ZNF541: variants seen among roughly 807,000 people sequenced by gnomAD.
ZNF541 encodes zinc finger protein 541.
A neutral mutation model predicts 123.5 loss-of-function variants in ZNF541; 23 were observed. The observed-to-expected ratio is 0.19, with a 90% CI of 0.13 to 0.26. The LOEUF (loss-of-function observed/expected upper bound fraction) is 0.26. ZNF541 is among the 10% of genes least tolerant of loss of function. The pLI, the probability that ZNF541 is intolerant of heterozygous loss-of-function variation, is 1.00. For missense variants in ZNF541, 1,612 were observed against 1,789.9 expected, an observed-to-expected ratio of 0.90 and a Z score of 1.79; for synonymous variants, 751 against 754.5, an observed-to-expected ratio of 1.00 and a Z score of 0.08.
rs1174614673 is a variant in ZNF541, at chr19:47,529,602, G to T, written c.3456C>A (p.His1152Gln). Residue 1152 changes from histidine to glutamine, a missense_variant, in exon 13 of 17, where the codon CAC (histidine) becomes CAA (glutamine). Physicochemically the swap from His to Gln is conservative, Grantham distance 24 (BLOSUM62 0). This residue lies in a region of ZNF541 where 285 missense variants were observed against 407.3 expected (regional missense o/e 0.70). Coordinates refer to ENST00000391901, the MANE Select transcript of ZNF541 (RefSeq NM_001277075.3). ...CTGTGTAGCGATAGTCAGCGAGCAG[G>T]TGTGTCCGTGGCTTGTGGGGCCCTC... is the stretch of plus-strand genomic sequence containing the variant. Reference protein sequence around the residue: ...LLRGPHKPRTHLLADYRYTGS... With the variant: ...LLRGPHKPRTQLLADYRYTGS... 1 of 1,551,560 alleles carries T rather than the reference G, an allele frequency of 6.4e-7. No individual in the cohort carries two copies. Among genetic ancestry groups the T allele is most frequent in the East Asian group, 2.4e-5 (1 of 40,922 alleles).
At chr19:47,571,136 G>A (rs1214721846) in intron 2 of ZNF541, among the ~76,000 whole-genome samples, 8 of 148,848 alleles carry the variant, frequency 5.4e-5, no homozygotes, top group Admixed American at 2.7e-4. Context: ...TTTTTGAGAC[G>A]GAGTCTCGCT....
intron 2 of ZNF541, among the ~76,000 whole-genome samples, chr19:47,565,969 G>C (rs912294529): frequency 1.3e-5 from 2 of 152,124 alleles, no homozygotes; most frequent in Non-Finnish European, 2.9e-5. Context: ...TTGAGGTCAG[G>C]AGTTCGAGAC....
chr19:47,544,676 G>A lies in ZNF541; in HGVS notation c.1853C>T (p.Pro618Leu). 1 of 1,531,562 alleles carries A rather than the reference G, an allele frequency of 6.5e-7. No individual in the cohort carries two copies. 94.9% of individuals were successfully genotyped at this position (1,531,562 alleles called of 1,614,324 possible). A position where few individuals can be genotyped will look rare whatever the true frequency, so the allele number is the denominator to read the frequency against. The change falls in exon 5 of 17, where the codon CCC (proline) becomes CTC (leucine). Residue 618 changes from proline to leucine, a missense_variant. Pro to Leu is a moderately conservative substitution (Grantham distance 98, BLOSUM62 -3). Coordinates refer to ENST00000391901, the MANE Select transcript of ZNF541 (RefSeq NM_001277075.3). ...VDSLHAGPGN[P>L]EAEGSPARRR... ...GCGGGCTGGGGAGCCCTCTGCCTCG[G>A]GGTTTCCAGGGCCGGCGTGGAGAGA...
rs1463594713 is a variant in ZNF541, at chr19:47,555,727, A to G, written c.130T>C (p.Phe44Leu). The G allele has an allele frequency of 1.3e-6, 2 of 1,551,576 alleles. No individual in the cohort carries two copies. The highest frequency in any genetic ancestry group is 1.7e-6 in the Non-Finnish European group (2 of 1,147,018). The change falls in exon 3 of 17, where the codon TTT becomes CTT. Residue 44 changes from phenylalanine to leucine, a missense_variant. Around this residue, in one of 5 missense-constraint regions of ZNF541, gnomAD observed 212 missense variants for 289.6 expected, o/e 0.73. Coordinates refer to ENST00000391901, the MANE Select transcript of ZNF541 (RefSeq NM_001277075.3). ...AGACCACTCAGGCCAGCATAAAGAA[A>G]GCCTCGCGTGTTGGGACCCAAATCC... Reference protein sequence around the residue: ...NRDLGPNTRGFLYAGLSGLDP... With the variant: ...NRDLGPNTRGLLYAGLSGLDP...
Position 47,555,539 on chromosome 19 carries a change from G to A in ZNF541, c.307+11C>T, listed in dbSNP as rs1970781780. 6.6e-7 allele frequency: 1 copy of A among 1,525,304 alleles called. No homozygotes were observed. The highest frequency in any genetic ancestry group is 8.8e-7 in the Non-Finnish European group (1 of 1,131,490). The allele number at this position is 1,525,304 out of a possible 1,614,324, so 94.5% of individuals were successfully genotyped here. A position where few individuals can be genotyped will look rare whatever the true frequency, so the allele number is the denominator to read the frequency against. On this transcript the variant is annotated intron_variant, in intron 3 of 16. Coordinates refer to ENST00000391901, the MANE Select transcript of ZNF541 (RefSeq NM_001277075.3). Reference sequence around the variant, plus strand: ...TCCTGCAGGGCCCTTCTACCCAGGTGACAGCCTCACCTTGTAAGGATGCCT... The same window carrying A: ...TCCTGCAGGGCCCTTCTACCCAGGTAACAGCCTCACCTTGTAAGGATGCCT...
chr19:47,549,562 C>T, intron 3 of ZNF541, 77 bp from the exon 4 acceptor site: 4 of 1,523,480 alleles, frequency 2.6e-6, no homozygotes, highest in Non-Finnish European at 3.5e-6. Context: ...CACTCTACAC[C>T]TCTTAGAACC....
At chr19:47,538,024 A>G in intron 9 of ZNF541, 118 bp downstream of exon 9, 1 of 1,204,368 alleles carries the variant, frequency 8.3e-7, no homozygotes, top group Non-Finnish European at 1.2e-6. Flanking sequence ...AGGAACCCTC[A>G]GACTAGGTAC....
chr19:47,544,392 G>T lies in ZNF541; in HGVS notation c.2137C>A (p.Leu713Met). ...TCGGCTGGGGCCTGCTTCCCTGGCA[G>T]CGAGGCTCCTGGTGGCTCCTCCCCA... ...LGGEEPPGAS[L>M]PGKQAPAENG... The change falls in exon 5 of 17, where the codon CTG (leucine) becomes ATG (methionine). Residue 713 changes from leucine to methionine, a missense_variant. Leu to Met is a conservative substitution (Grantham distance 15). Transcript: ENST00000391901. The T allele has an allele frequency of 6.4e-7, 1 of 1,551,636 alleles. No individual in the cohort carries two copies. Among genetic ancestry groups the T allele is most frequent in the Non-Finnish European group, 8.7e-7 (1 of 1,147,016 alleles).
Position 47,531,694 on chromosome 19 carries a change from G to T in ZNF541, c.3353C>A (p.Thr1118Asn), listed in dbSNP as rs1332567795. The change falls in exon 12 of 17, where the codon ACC becomes AAC. Residue 1118 changes from threonine (T) to asparagine (N), a missense_variant. Physicochemically the swap from Thr to Asn is moderately conservative, Grantham distance 65 (BLOSUM62 0). Coordinates refer to ENST00000391901, the MANE Select transcript of ZNF541 (RefSeq NM_001277075.3). ...GCAGTGCAGAGCGAGCTCCAGGTTG[G>T]TGCCCCCTCCTGGCATCACGCTGGA... ...ACSSVMPGGGTNLELALHCLH... is the reference protein window; with the variant it reads ...ACSSVMPGGGNNLELALHCLH... 4.5e-6 allele frequency: 7 copies of T among 1,548,698 alleles called. No homozygotes were observed. Among genetic ancestry groups the T allele is most frequent in the Non-Finnish European group, 6.1e-6 (7 of 1,144,826 alleles).
rs879531259 is a variant in ZNF541 at position 47,550,346 on chromosome 19, A to AAAGG, written c.308-865_308-862dup. Among the ~76,000 whole-genome samples, 19 of 151,518 alleles carry AAAGG rather than the reference A, an allele frequency of 1.3e-4. No individual in the cohort carries two copies. The East Asian group carries it at 3.5e-3, about 28-fold the overall frequency. On this transcript the variant is annotated intron_variant, in intron 3 of 16. Transcript: ENST00000391901. Reference sequence around the variant, plus strand: ...GAAAGAGAGAGAGAGAAAGAGAAAGAAAGGAAGGAAGGAAGGAAAGAAGGA... The same window carrying AAAGG: ...GAAAGAGAGAGAGAGAAAGAGAAAGAAAGGAAGGAAGGAAGGAAGGAAAGAAGGA...
intron 14 of ZNF541, among the ~76,000 whole-genome samples, chr19:47,524,705 CT>C (rs1969202937): frequency 8.0e-6 from 1 of 124,492 alleles, no homozygotes; most frequent in South Asian, 2.5e-4. Flanking sequence ...GAGACTCTGT[CT>C]AAAAAAAAAA....
intron 2 of ZNF541, among the ~76,000 whole-genome samples, chr19:47,562,571 C>CA (rs909124471): frequency 4.6e-5 from 7 of 151,634 alleles, no homozygotes; most frequent in African/African-American, 1.5e-4. Context: ...AAAAACAAAA[C>CA]AAAAAAAACC....
chr19:47,544,305 C>T lies in ZNF541; in HGVS notation c.2224G>A (p.Gly742Ser). The change falls in exon 5 of 17, where the codon GGC (glycine) becomes AGC (serine). Residue 742 changes from glycine (G) to serine (S), a missense_variant. Physicochemically the swap from Gly to Ser is moderately conservative, Grantham distance 56. This residue lies in a region of ZNF541 where 1,080 missense variants were observed against 1,013.8 expected (regional missense o/e 1.07). Coordinates refer to ENST00000391901, the MANE Select transcript of ZNF541 (RefSeq NM_001277075.3). ...CTGGGGTTGCCCAAGAGCCGGTAGCCTCCACCCCGGGAGCAGGCTGGGCCC... is the reference window on the plus strand; with the variant it reads ...CTGGGGTTGCCCAAGAGCCGGTAGCTTCCACCCCGGGAGCAGGCTGGGCCC... The part of the protein sequence containing the change: ...EKGPACSRGG[G>S]YRLLGNPRAP... 1 of 1,551,644 alleles carries T rather than the reference C, an allele frequency of 6.4e-7. No individual in the cohort carries two copies. Among genetic ancestry groups the T allele is most frequent in the East Asian group, 2.4e-5 (1 of 40,908 alleles).
chr19:47,567,556 G>A (rs1014663387), intron 2 of ZNF541, among the ~76,000 whole-genome samples: 37 of 152,218 alleles, frequency 2.4e-4, no homozygotes, highest in Admixed American at 2.0e-4. Flanking sequence ...CACCGCGCCT[G>A]GCCAGTTAAA....
intron 2 of ZNF541, among the ~76,000 whole-genome samples, chr19:47,564,984 C>T (rs138371539): frequency 1.2e-4 from 18 of 152,146 alleles, no homozygotes; most frequent in Admixed American, 8.5e-4. Flanking sequence ...TAAAAAGGAA[C>T]GAAATAATGG....
intron 2 of ZNF541, among the ~76,000 whole-genome samples, chr19:47,571,057 C>T (rs551880496): frequency 6.6e-5 from 10 of 152,202 alleles, no homozygotes; most frequent in African/African-American, 2.4e-4. Flanking sequence ...AGAAAGAAAC[C>T]CGAAACTGAA....
rs774127541 is a variant in ZNF541, at chr19:47,545,564, C to A, written c.965G>T (p.Gly322Val). The change falls in exon 5 of 17, where the codon GGC becomes GTC. Residue 322 changes from glycine (G) to valine (V), a missense_variant. Coordinates refer to ENST00000391901, the MANE Select transcript of ZNF541 (RefSeq NM_001277075.3). The surrounding 1 kb of genome is among the most constrained non-coding windows in gnomAD (Gnocchi z 7.5). ...CAGCGCTGCTGGGGCCGCGTGGGGG[C>A]CGGCTGGGGTGCAGGACGAGGACCC... is the stretch of plus-strand genomic sequence containing the variant. Reference protein sequence around the residue: ...SSGSSSCTPAGPHAAPAALDT... With the variant: ...SSGSSSCTPAVPHAAPAALDT... 6.5e-7 allele frequency: 1 copy of A among 1,539,530 alleles called. No homozygotes were observed. The highest frequency in any genetic ancestry group is 2.5e-5 in the East Asian group (1 of 40,656).
intron 4 of ZNF541, among the ~76,000 whole-genome samples, chr19:47,546,225 C>T (rs62128693): frequency 7.3e-6 from 1 of 136,310 alleles, no homozygotes; most frequent in Non-Finnish European, 1.5e-5. Flanking sequence ...AAAAAAAAAC[C>T]AGCGGGGCAC....
rs1024773262 is a variant in ZNF541 at position 47,529,725 on chromosome 19, C to G, written c.3406-73G>C. 1.9e-5 allele frequency: 26 copies of G among 1,393,794 alleles called. No individual in the cohort carries two copies. In the African/African-American group the frequency reaches 3.7e-4, roughly 20 times the overall value. The allele number at this position is 1,393,794 out of a possible 1,614,324, so 86.3% of individuals were successfully genotyped here. A position where few individuals can be genotyped will look rare whatever the true frequency, so the allele number is the denominator to read the frequency against. ...GGACCACAGGCATCCTCCCATTCAT[C>G]TGAAAAACACTTGCGGCTGTCCCTG... is the stretch of plus-strand genomic sequence containing the variant. On this transcript the variant is annotated intron_variant, in intron 12 of 16. Coordinates refer to ENST00000391901, the MANE Select transcript of ZNF541 (RefSeq NM_001277075.3).
Sources: allele counts gnomAD v4.1 joint callset (sites outside exome capture counted in the v4.1 genomes callset), GRCh38; gene constraint gnomAD v4.1.1; regional missense constraint gnomAD v4.1.1; non-coding constraint Gnocchi (gnomAD v3.1); transcripts MANE v1.5; gene names NCBI Gene and HGNC (gene_info 2026-07-23, HGNC 2026-07-21).